Variants in TBL1XR1 observed in about 807,000 individuals in gnomAD.
TBL1XR1 encodes F-box-like/WD repeat-containing protein TBL1XR1.
A neutral mutation model predicts 66.9 loss-of-function variants in TBL1XR1; 5 were observed. The observed-to-expected ratio is 0.07, with a 90% confidence interval of 0.04 to 0.16. TBL1XR1 has a LOEUF of 0.16. Ranked by LOEUF, TBL1XR1 falls within the 10% of genes least tolerant of loss-of-function variation. TBL1XR1 has a pLI of 1.00. For missense variants in TBL1XR1, 238 were observed against 623.2 expected (o/e 0.38, Z 6.58); for synonymous variants, 210 against 206.0 (o/e 1.02, Z -0.17).
intron 1 of TBL1XR1, among the ~76,000 whole-genome samples, chr3:177,110,139 T>C (rs1209035): frequency 0.094 from 14,374 of 152,238 alleles, 781 homozygotes; most frequent in South Asian, 0.21. Flanking sequence ...CAGGCCATGA[T>C]AAAAGCTATG....
intron 1 of TBL1XR1, among the ~76,000 whole-genome samples, chr3:177,144,170 C>CG (rs949068491): frequency 6.6e-6 from 1 of 151,854 alleles, no homozygotes; most frequent in African/African-American, 2.4e-5. Flanking sequence ...GCTTGAACCC[C>CG]GGGAGGCGGA....
intron 1 of TBL1XR1, among the ~76,000 whole-genome samples, chr3:177,120,533 A>G (rs909900163): frequency 1.3e-5 from 2 of 152,104 alleles, no homozygotes; most frequent in African/African-American, 4.8e-5. Flanking sequence ...GTTCCCTTAC[A>G]CTTAAGATTT....
chr3:177,038,052 T>C, intron 12 of TBL1XR1, 46 bp downstream of exon 12: 2 of 1,563,866 alleles, frequency 1.3e-6, no homozygotes, highest in Non-Finnish European at 1.8e-6. Flanking sequence ...AGAGCAACCA[T>C]ACTGTGTGAC....
At chr3:177,035,686 T>C (rs1183269737) in intron 12 of TBL1XR1, among the ~76,000 whole-genome samples, 2 of 152,124 alleles carry the variant, frequency 1.3e-5, no homozygotes, top group African/African-American at 4.8e-5. Context: ...AGTGCTTTAA[T>C]TATAGGCATG....
intron 9 of TBL1XR1, 132 bp downstream of exon 9, chr3:177,047,168 G>A: frequency 1.4e-6 from 1 of 712,052 alleles, no homozygotes. Context: ...GACCTAAGGA[G>A]TATTTCTAGC....
intron 3 of TBL1XR1, 108 bp from the exon 4 acceptor site, chr3:177,054,026 T>C: frequency 8.1e-7 from 1 of 1,230,922 alleles, no homozygotes; most frequent in Non-Finnish European, 1.1e-6. Context: ...CCTACCCATT[T>C]AAAATCCCAG....
At chr3:177,193,896 AT>A (rs1736485005) in intron 1 of TBL1XR1, among the ~76,000 whole-genome samples, 1 of 152,176 alleles carries the variant, frequency 6.6e-6, no homozygotes, top group African/African-American at 2.4e-5. Flanking sequence ...ACTTCTTTGC[AT>A]CTCTGTTTCA....
chr3:177,053,878 A>G lies in TBL1XR1; in HGVS notation c.99T>C (p.His33=). Reference sequence around the variant, plus strand: ...CACCATTTATATTGGACTGACTGATATGGCTTTCTATACCAAAGGTAAATG... The same window carrying G: ...CACCATTTATATTGGACTGACTGATGTGGCTTTCTATACCAAAGGTAAATG... The part of the protein sequence containing the change: ...HSAFTFGIES[H]ISQSNINGAL... Residue 33 remains histidine, a synonymous_variant, in exon 4 of 16, where the codon CAT becomes CAC. Coordinates refer to ENST00000457928, the MANE Select transcript of TBL1XR1 (RefSeq NM_024665.7). 6.2e-7 allele frequency: 1 copy of G among 1,613,386 alleles called. No individual in the cohort carries two copies. Among genetic ancestry groups the G allele is most frequent in the Non-Finnish European group, 8.5e-7 (1 of 1,179,630 alleles).
chr3:177,177,348 G>T (rs1191224940), intron 1 of TBL1XR1, among the ~76,000 whole-genome samples: 1 of 151,308 alleles, frequency 6.6e-6, no homozygotes, highest in Non-Finnish European at 1.5e-5. Flanking sequence ...TACTCAGGAG[G>T]CTGAAGAAGG....
chr3:177,091,239 A>AT (rs1427538457), intron 2 of TBL1XR1: 3 of 152,142 alleles, frequency 2.0e-5, no homozygotes, highest in East Asian at 3.8e-4. Flanking sequence ...TACTGGTTAA[A>AT]TATACATTTA....
chr3:177,170,025 G>C (rs941642681), intron 1 of TBL1XR1, among the ~76,000 whole-genome samples: 1 of 152,148 alleles, frequency 6.6e-6, no homozygotes, highest in Non-Finnish European at 1.5e-5. Flanking sequence ...AGCCCTCCAG[G>C]TGATTCTGAT....
At chr3:177,060,364 A>G (rs1045931141) in intron 3 of TBL1XR1, among the ~76,000 whole-genome samples, 3 of 152,230 alleles carry the variant, frequency 2.0e-5, no homozygotes, top group African/African-American at 7.2e-5. Context: ...CACTATCTAG[A>G]AAGTTACTCA....
chr3:177,118,094 C>T (rs1358539753), intron 1 of TBL1XR1, among the ~76,000 whole-genome samples: 1 of 152,214 alleles, frequency 6.6e-6, no homozygotes, highest in Non-Finnish European at 1.5e-5. Flanking sequence ...ATCCACTCTT[C>T]TCAGCCAGAG....
intron 1 of TBL1XR1, among the ~76,000 whole-genome samples, chr3:177,126,782 AAT>A (rs1008057275): frequency 6.7e-6 from 1 of 148,336 alleles, no homozygotes; most frequent in African/African-American, 2.5e-5. Flanking sequence ...AATTAAAATC[AAT>A]ATATCCTTGA....
intron 3 of TBL1XR1, among the ~76,000 whole-genome samples, chr3:177,054,417 A>G (rs1176523009): frequency 6.6e-6 from 1 of 152,156 alleles, no homozygotes; most frequent in African/African-American, 2.4e-5. Context: ...GCATCTCTCA[A>G]AAGTGGTACA....
upstream of TBL1XR1, among the ~76,000 whole-genome samples, chr3:177,200,841 A>G (rs1383442956): frequency 6.6e-6 from 1 of 151,942 alleles, no homozygotes; most frequent in Non-Finnish European, 1.5e-5. Context: ...CCTCGTCTGT[A>G]CTAAAAATAC....
At chr3:177,134,969 G>GTGTGTGTGTC (rs1553852553) in intron 1 of TBL1XR1, among the ~76,000 whole-genome samples, 431 of 95,600 alleles carry the variant, frequency 4.5e-3, no homozygotes, top group African/African-American at 0.013. Context: ...GTGTGTGTCT[G>GTGTGTGTGTC]TGTGTGTGTC....
chr3:177,101,426 T>C (rs1724197215), intron 1 of TBL1XR1, among the ~76,000 whole-genome samples: 1 of 152,214 alleles, frequency 6.6e-6, no homozygotes, highest in Non-Finnish European at 1.5e-5. Context: ...TCAAATTTCA[T>C]GTGTTGGAGA....
chr3:177,083,007 C>T (rs1431604406), intron 2 of TBL1XR1, among the ~76,000 whole-genome samples: 3 of 151,640 alleles, frequency 2.0e-5, no homozygotes, highest in Non-Finnish European at 4.4e-5. Flanking sequence ...ATCCATCCGT[C>T]TCGGCCTCCA....
Sources: gnomAD v4.1 joint callset for allele counts (sites outside exome capture counted in the v4.1 genomes callset) on GRCh38, gnomAD v4.1.1 for gene constraint, MANE v1.5 for transcripts, NCBI Gene and HGNC (gene_info 2026-07-23, HGNC 2026-07-21) for gene names.